The following ADAMTSL1 variants were observed in gnomAD, a reference collection of about 807,000 sequenced individuals.
The protein encoded by ADAMTSL1 is ADAMTS-like protein 1.
A neutral mutation model predicts 201.8 loss-of-function variants in ADAMTSL1; 126 were observed. That is an observed-to-expected ratio of 0.62 (90% CI 0.54 to 0.72). The LOEUF (loss-of-function observed/expected upper bound fraction) is 0.72. Among genes scored for constraint, ADAMTSL1 ranks in the 30% least tolerant of loss-of-function variants. The pLI, the probability that ADAMTSL1 is intolerant of heterozygous loss-of-function variation, is 0.00. For synonymous variants in ADAMTSL1, 1,121 were observed against 903.4 expected (o/e 1.24, Z -4.32); for missense variants, 2,679 against 2,277.8 (o/e 1.18, Z -3.59).
chr9:18,574,135 C>G lies in ADAMTSL1; in HGVS notation c.343C>G (p.Pro115Ala). Reference sequence around the variant, plus strand: ...TGAATGGCTTCCTGTGTCTAATGACCCTGACAACCCATGTTCACTCAAGTG... The same window carrying G: ...TGAATGGCTTCCTGTGTCTAATGACGCTGACAACCCATGTTCACTCAAGTG... ...FYEWLPVSND[P>A]DNPCSLKCQA... Residue 115 changes from proline (P) to alanine (A), a missense_variant, in exon 4 of 29, where the codon CCT (proline) becomes GCT (alanine). Transcript: ENST00000380548. The G allele has an allele frequency of 6.2e-7, 1 of 1,614,010 alleles. No individual in the cohort carries two copies. Among genetic ancestry groups the G allele is most frequent in the Non-Finnish European group, 8.5e-7 (1 of 1,180,010 alleles).
At chr9:18,565,707 A>T (rs1334081752) in intron 3 of ADAMTSL1, among the ~76,000 whole-genome samples, 1 of 152,114 alleles carries the variant, frequency 6.6e-6, no homozygotes, top group Non-Finnish European at 1.5e-5. Context: ...TGTGTTAGAG[A>T]TTTAAATATT....
chr9:18,277,768 AT>A (rs2132612740), intron 2 of ADAMTSL1, among the ~76,000 whole-genome samples: 1 of 152,274 alleles, frequency 6.6e-6, no homozygotes, highest in East Asian at 1.9e-4. Flanking sequence ...TCTATTTACA[AT>A]TTAAATAATT....
intron 1 of ADAMTSL1, among the ~76,000 whole-genome samples, chr9:18,062,035 A>C (rs1822480408): frequency 6.6e-6 from 1 of 152,150 alleles, no homozygotes; most frequent in Non-Finnish European, 1.5e-5. Flanking sequence ...GCTACAAGCT[A>C]CACTCAGCCA....
chr9:18,775,520 T>C (rs1271399570), intron 17 of ADAMTSL1, among the ~76,000 whole-genome samples: 9 of 152,140 alleles, frequency 5.9e-5, no homozygotes, highest in South Asian at 2.1e-4. Context: ...GTAAAATAGA[T>C]AAAAGGTCTT....
In ADAMTSL1 at chr9:18,264,429, G is replaced by T. The variant is rs910252231; in HGVS notation, c.207+100448G>T. ...CGGTGTCTAAGCAACTTGATACCAC[G>T]TAGGAGAGCTCTCCTCTGAAGAAGT... On this transcript the variant is annotated intron_variant, in intron 2 of 29. Transcript: ENST00000680146. Among the ~76,000 whole-genome samples the T allele has an allele frequency of 2.0e-5, 3 of 152,092 alleles. No homozygotes were observed. The East Asian group carries it at 5.8e-4, about 29-fold the overall frequency.
chr9:18,502,736 C>T (rs992408794), intron 1 of ADAMTSL1, among the ~76,000 whole-genome samples: 2 of 152,030 alleles, frequency 1.3e-5, no homozygotes. Flanking sequence ...ATTACATCAC[C>T]AGGCAGATGC....
intron 1 of ADAMTSL1, among the ~76,000 whole-genome samples, chr9:18,101,658 G>T (rs922302400): frequency 6.6e-6 from 1 of 152,160 alleles, no homozygotes; most frequent in African/African-American, 2.4e-5. Context: ...GAATTTAGAC[G>T]GGAGACAAGG....
At chr9:18,554,467 G>A (rs1358087366) in intron 3 of ADAMTSL1, among the ~76,000 whole-genome samples, 2 of 151,752 alleles carry the variant, frequency 1.3e-5, no homozygotes, top group East Asian at 3.9e-4. Flanking sequence ...TGCTCTTGAG[G>A]AGGATGTTGG....
intron 21 of ADAMTSL1, 22 bp from the exon 22 acceptor site, chr9:18,826,262 T>C (rs199873806): frequency 2.5e-4 from 365 of 1,487,010 alleles, no homozygotes; most frequent in Non-Finnish European, 3.0e-4. Flanking sequence ...TGGGGTTTTT[T>C]GTTTTTTTTT....
At chr9:18,041,431 C>A (rs1187205768) in intron 1 of ADAMTSL1, among the ~76,000 whole-genome samples, 1 of 151,974 alleles carries the variant, frequency 6.6e-6, no homozygotes, top group Non-Finnish European at 1.5e-5. Flanking sequence ...TATTTTCATT[C>A]CATTTATGGA....
intron 2 of ADAMTSL1, among the ~76,000 whole-genome samples, chr9:18,178,335 G>C (rs941595966): frequency 6.6e-6 from 1 of 152,038 alleles, no homozygotes; most frequent in Non-Finnish European, 1.5e-5. Context: ...AAAAAACGGC[G>C]CACCAGGAGA....
intron 1 of ADAMTSL1, among the ~76,000 whole-genome samples, chr9:17,968,630 T>C (rs987424975): frequency 2.0e-5 from 3 of 152,142 alleles, no homozygotes; most frequent in Non-Finnish European, 2.9e-5. Flanking sequence ...TGTGGTATCC[T>C]CGTTGATTGG....
intron 1 of ADAMTSL1, among the ~76,000 whole-genome samples, chr9:18,090,053 G>A (rs1414416883): frequency 6.6e-6 from 1 of 152,010 alleles, no homozygotes; most frequent in African/African-American, 2.4e-5. Flanking sequence ...TTAAATGCTT[G>A]GTATTAAAAA....
chr9:18,726,346 T>C (rs1375791424), intron 15 of ADAMTSL1, among the ~76,000 whole-genome samples: 1 of 151,820 alleles, frequency 6.6e-6, no homozygotes, highest in African/African-American at 2.4e-5. Context: ...CTATAAAAAA[T>C]ACAAAAATTA....
chr9:18,302,731 A>G (rs189766443), intron 2 of ADAMTSL1, among the ~76,000 whole-genome samples: 1 of 152,312 alleles, frequency 6.6e-6, no homozygotes, highest in African/African-American at 2.4e-5. Flanking sequence ...TATGTTTCTT[A>G]CTAATGCTTA....
chr9:18,888,167 C>A, intron 24 of ADAMTSL1, 124 bp downstream of exon 24: 1 of 1,003,312 alleles, frequency 1.0e-6, no homozygotes, highest in African/African-American at 1.6e-5. Flanking sequence ...AAAACCAAAG[C>A]CATGCCATGT....
chr9:18,412,427 A>G (rs1563943434), intron 2 of ADAMTSL1, among the ~76,000 whole-genome samples: 1 of 152,234 alleles, frequency 6.6e-6, no homozygotes, highest in Non-Finnish European at 1.5e-5. Flanking sequence ...TGGTTGTAAA[A>G]TGATGATTCT....
chr9:18,722,261 C>T (rs1189455195), intron 15 of ADAMTSL1, among the ~76,000 whole-genome samples: 2 of 152,156 alleles, frequency 1.3e-5, no homozygotes, highest in Non-Finnish European at 2.9e-5. Flanking sequence ...AATCCAATCA[C>T]TGCTTCAGTC....
At chr9:18,157,052 G>C (rs1362029975) in intron 1 of ADAMTSL1, among the ~76,000 whole-genome samples, 3 of 151,978 alleles carry the variant, frequency 2.0e-5, no homozygotes, top group Admixed American at 6.6e-5. Context: ...ATCTAGGAAG[G>C]TGATGTCCTC....
Sources: allele counts gnomAD v4.1 joint callset (sites outside exome capture counted in the v4.1 genomes callset), GRCh38; gene constraint gnomAD v4.1.1; transcripts MANE v1.5; gene names NCBI Gene and HGNC (gene_info 2026-07-23, HGNC 2026-07-21).